Variants in FER1L6 observed in about 807,000 individuals in gnomAD.
FER1L6 encodes the protein fer-1 like family member 6.
A neutral mutation model predicts 219.2 loss-of-function variants in FER1L6; 177 were observed. That is an observed-to-expected ratio of 0.81 (90% confidence interval 0.71 to 0.91). FER1L6 has a LOEUF of 0.91. Ranked by LOEUF, FER1L6 falls within the 40% of genes least tolerant of loss-of-function variation. The probability of loss-of-function intolerance (pLI) is 0.00; values close to 1 mark genes in which losing one functional copy is unlikely to be tolerated. For synonymous variants in FER1L6, 768 were observed against 824.3 expected (o/e 0.93, Z 1.17); for missense variants, 2,153 against 2,259.9 (o/e 0.95, Z 0.96).
At chr8:123,882,657 A>C (rs952670617) in intron 1 of FER1L6, among the ~76,000 whole-genome samples, 3 of 152,216 alleles carry the variant, frequency 2.0e-5, no homozygotes, top group Non-Finnish European at 4.4e-5. Context: ...AAAGGAAATA[A>C]AATAGATATG....
chr8:124,098,394 A>C (rs185356879), intron 37 of FER1L6, among the ~76,000 whole-genome samples: 1 of 152,112 alleles, frequency 6.6e-6, no homozygotes, highest in Non-Finnish European at 1.5e-5. Flanking sequence ...GAGGTGGTAT[A>C]GCATCAGAAA....
At chr8:124,021,979 G>A (rs543290197) in intron 17 of FER1L6, among the ~76,000 whole-genome samples, 2 of 152,196 alleles carry the variant, frequency 1.3e-5, no homozygotes, top group South Asian at 4.1e-4. Context: ...ATTTAAATTC[G>A]TGCCCAGTAA....
intron 34 of FER1L6, among the ~76,000 whole-genome samples, chr8:124,093,522 T>G (rs548371743): frequency 6.6e-6 from 1 of 152,108 alleles, no homozygotes; most frequent in East Asian, 1.9e-4. Flanking sequence ...GGTTCTTACA[T>G]GCAGATTATT....
In FER1L6 at chr8:124,066,470, A is replaced by G; in HGVS notation, c.3598A>G (p.Arg1200Gly). ...CCGGAGGTCCACTAAGAGGAGAAAG[A>G]GGACCATAGCAGATGAATCTGCTGA... ...PSRRSTKRRK[R>G]TIADESAENV... Residue 1200 changes from arginine to glycine, a missense_variant, in exon 27 of 41, where the codon AGG becomes GGG. Physicochemically the swap from Arg to Gly is moderately radical, Grantham distance 125. Transcript: ENST00000522917. The G allele has an allele frequency of 1.2e-6, 2 of 1,614,062 alleles. No individual in the cohort carries two copies. The highest frequency in any genetic ancestry group is 1.3e-5 in the African/African-American group (1 of 75,068).
chr8:123,990,684 G>T (rs1262390980), intron 12 of FER1L6, among the ~76,000 whole-genome samples: 2 of 152,134 alleles, frequency 1.3e-5, no homozygotes, highest in African/African-American at 2.4e-5. Flanking sequence ...TGTTTACTCT[G>T]ATTATTTCTT....
chr8:123,953,362 C>G (rs888887491), intron 1 of FER1L6, among the ~76,000 whole-genome samples: 2 of 152,212 alleles, frequency 1.3e-5, no homozygotes, highest in African/African-American at 4.8e-5. Context: ...GCCTAGACCA[C>G]TGCTTCTCAA....
At chr8:123,855,657 G>A (rs1176652612) in intron 1 of FER1L6, among the ~76,000 whole-genome samples, 1 of 146,942 alleles carries the variant, frequency 6.8e-6, no homozygotes, top group Admixed American at 6.7e-5. Flanking sequence ...CGGATGTGAA[G>A]GAGACTTTTA....
intron 22 of FER1L6, among the ~76,000 whole-genome samples, chr8:124,050,597 C>T (rs117076635): frequency 0.028 from 4,273 of 152,158 alleles, 88 homozygotes; most frequent in Middle Eastern, 0.071. Context: ...CTATCTTAGG[C>T]GCTTAGGCTG....
intron 1 of FER1L6, among the ~76,000 whole-genome samples, chr8:123,894,227 C>A (rs959331710): frequency 6.6e-6 from 1 of 152,210 alleles, no homozygotes; most frequent in Non-Finnish European, 1.5e-5. Flanking sequence ...TGCCACGCCC[C>A]TCATTCATCA....
chr8:124,108,186 C>G (rs1471981393), intron 39 of FER1L6, among the ~76,000 whole-genome samples: 1 of 152,074 alleles, frequency 6.6e-6, no homozygotes, highest in Non-Finnish European at 1.5e-5. Context: ...ACAGTGAGAC[C>G]TTGTTTATAA....
intron 17 of FER1L6, among the ~76,000 whole-genome samples, chr8:124,022,309 A>T (rs1818491280): frequency 6.6e-6 from 1 of 152,216 alleles, no homozygotes; most frequent in Non-Finnish European, 1.5e-5. Flanking sequence ...GAGAGAAGGG[A>T]TGTCCTCTTT....
intron 31 of FER1L6, among the ~76,000 whole-genome samples, chr8:124,073,489 C>T (rs948688886): frequency 6.6e-6 from 1 of 152,084 alleles, no homozygotes; most frequent in Non-Finnish European, 1.5e-5. Flanking sequence ...ATTCTCAAAC[C>T]TTTTAATTAA....
intron 1 of FER1L6, among the ~76,000 whole-genome samples, chr8:123,881,300 G>A (rs140127493): frequency 4.5e-4 from 68 of 152,116 alleles, no homozygotes; most frequent in African/African-American, 1.6e-3. Flanking sequence ...CTTCATGAGG[G>A]TAGGGTAGAA....
intron 1 of FER1L6, among the ~76,000 whole-genome samples, chr8:123,919,437 C>T (rs1361060637): frequency 6.6e-6 from 1 of 152,110 alleles, no homozygotes. Flanking sequence ...AGCAGCAGGC[C>T]CTGTACTTGA....
chr8:124,104,548 C>T (rs1822684742), intron 39 of FER1L6, among the ~76,000 whole-genome samples: 1 of 152,164 alleles, frequency 6.6e-6, no homozygotes, highest in Non-Finnish European at 1.5e-5. Flanking sequence ...AGTGAAAGAA[C>T]CATGATGAGT....
chr8:123,993,384 G>A (rs1816957915), intron 12 of FER1L6, among the ~76,000 whole-genome samples: 2 of 149,550 alleles, frequency 1.3e-5, no homozygotes, highest in Non-Finnish European at 3.0e-5. Flanking sequence ...GGAGCTTGCA[G>A]TGAGCCGAGA....
At chr8:124,046,698 G>A (rs1035993039) in intron 21 of FER1L6, 1 of 152,212 alleles carries the variant, frequency 6.6e-6, no homozygotes, top group African/African-American at 2.4e-5. Context: ...TTTGGGTCAA[G>A]GTCAGGAGGG....
intron 13 of FER1L6, 51 bp from the exon 14 acceptor site, chr8:124,010,543 C>T: frequency 6.2e-7 from 1 of 1,603,164 alleles, no homozygotes. Flanking sequence ...ACTGGGGTTG[C>T]CTGGAAAACA....
At chr8:123,932,689 GA>G (rs1231293442) in intron 1 of FER1L6, among the ~76,000 whole-genome samples, 2 of 152,138 alleles carry the variant, frequency 1.3e-5, no homozygotes, top group Non-Finnish European at 2.9e-5. Flanking sequence ...AGTACAATAG[GA>G]ACCTGGGCAA....
Sources: gnomAD v4.1 joint callset for allele counts (sites outside exome capture counted in the v4.1 genomes callset) on GRCh38, gnomAD v4.1.1 for gene constraint, MANE v1.5 for transcripts, NCBI Gene and HGNC (gene_info 2026-07-23, HGNC 2026-07-21) for gene names.